Variants in FOXO3 observed in about 807,000 individuals in gnomAD.
The protein encoded by FOXO3 is forkhead box O3, also known as forkhead box protein O3.
In FOXO3, 4 loss-of-function variants were observed where a neutral mutation model predicts 41.9. That is an observed-to-expected ratio of 0.10 (90% CI 0.05 to 0.22). The LOEUF (loss-of-function observed/expected upper bound fraction) is 0.22, where lower values mean the gene tolerates loss of function less well. FOXO3 is among the 10% of genes least tolerant of loss of function. The probability of loss-of-function intolerance (pLI) is 1.00; values close to 1 mark genes in which losing one functional copy is unlikely to be tolerated. For missense variants in FOXO3, 534 were observed against 906.8 expected, an observed-to-expected ratio of 0.59 and a Z score of 5.28; for synonymous variants, 318 against 389.3, an observed-to-expected ratio of 0.82 and a Z score of 2.16.
chr6:108,572,492 A>G (rs959573619), intron 1 of FOXO3, among the ~76,000 whole-genome samples: 1 of 152,232 alleles, frequency 6.6e-6, no homozygotes, highest in Non-Finnish European at 1.5e-5. Flanking sequence ...TAAAGCATAG[A>G]ACATGGAGTG....
In FOXO3 at chr6:108,680,760, A is replaced by C. The variant is rs1219149691; in HGVS notation, c.*968A>C. ...TAAGGAGAAAGAAAAGGAAAAAAAA[A>C]AAAAACAAAAAAGTCCTGTTTTGCT... On this transcript the variant is annotated 3_prime_UTR_variant, in exon 3 of 3. Transcript: ENST00000406360. 1 of 139,284 alleles carries C rather than the reference A, an allele frequency of 7.2e-6. No individual in the cohort carries two copies. Among genetic ancestry groups the C allele is most frequent in the African/African-American group, 2.6e-5 (1 of 38,006 alleles). The allele number at this position is 139,284 out of a possible 1,614,324, so 8.6% of individuals were successfully genotyped here.
At chr6:108,646,470 AT>A (rs921378492) in intron 1 of FOXO3, among the ~76,000 whole-genome samples, 26 of 151,760 alleles carry the variant, frequency 1.7e-4, no homozygotes, top group African/African-American at 2.4e-4. Context: ...ACCAATCCAA[AT>A]TTTTTTTTCC....
chr6:108,657,903 G>T (rs1478263311), intron 1 of FOXO3, among the ~76,000 whole-genome samples: 3 of 152,166 alleles, frequency 2.0e-5, no homozygotes, highest in African/African-American at 7.2e-5. Context: ...CTTGAACAAT[G>T]TAGGTTTGAA....
Position 108,634,973 on chromosome 6 carries a change from T to A in FOXO3, c.622-28482T>A, listed in dbSNP as rs141705986. ...GATATATACATTGTGTGCATGTATA[T>A]ATATATTCATATAAGAATTTAAAAT... On this transcript the variant is annotated intron_variant, in intron 1 of 2. Transcript: ENST00000406360. Among the ~76,000 whole-genome samples the A allele has an allele frequency of 2.0e-3, 302 of 151,824 alleles. 1 individual carries two copies. The highest frequency in any genetic ancestry group is 6.9e-3 in the African/African-American group (286 of 41,484).
intron 1 of FOXO3, among the ~76,000 whole-genome samples, chr6:108,594,539 C>T (rs1776822943): frequency 6.6e-6 from 1 of 152,226 alleles, no homozygotes; most frequent in African/African-American, 2.4e-5. Flanking sequence ...TTCCCTGCCT[C>T]AGCCACCTCT....
chr6:108,571,645 G>A lies in FOXO3; in HGVS notation c.621+9816G>A, dbSNP rs190125419. Among the ~76,000 whole-genome samples, 30 of 152,310 alleles carry A rather than the reference G, an allele frequency of 2.0e-4. No homozygotes were observed. In the East Asian group the frequency reaches 5.6e-3, roughly 28 times the overall value. ...CAAAGAACACCAAGGATTGCCAGGA[G>A]CCGCCAGAAGCTGGTAGGGGCAAGA... On this transcript the variant is annotated intron_variant, in intron 1 of 2. Coordinates refer to ENST00000406360, the MANE Select transcript of FOXO3 (RefSeq NM_001455.4).
chr6:108,587,078 C>T (rs557171449), intron 1 of FOXO3, among the ~76,000 whole-genome samples: 4 of 151,692 alleles, frequency 2.6e-5, no homozygotes, highest in Admixed American at 2.6e-4. Context: ...CTCAAAGTGC[C>T]TCTCAAAGGT....
At chr6:108,665,115 A>T (rs1239125597) in intron 2 of FOXO3, among the ~76,000 whole-genome samples, 2 of 152,194 alleles carry the variant, frequency 1.3e-5, no homozygotes, top group African/African-American at 2.4e-5. Context: ...GATAGTTCAG[A>T]AATCTACTGC....
At chr6:108,601,754 T>C (rs1777062879) in intron 1 of FOXO3, among the ~76,000 whole-genome samples, 1 of 152,230 alleles carries the variant, frequency 6.6e-6, no homozygotes, top group South Asian at 2.1e-4. Flanking sequence ...AGTATATGGA[T>C]TTTTGGGATT....
chr6:108,580,433 A>G (rs1289278539), intron 1 of FOXO3, among the ~76,000 whole-genome samples: 22 of 151,894 alleles, frequency 1.4e-4, no homozygotes, highest in Admixed American at 1.4e-3. Flanking sequence ...TGATCCACCC[A>G]CCTTGGCCTC....
chr6:108,610,071 T>G (rs1188595905), intron 1 of FOXO3, among the ~76,000 whole-genome samples: 1 of 152,176 alleles, frequency 6.6e-6, no homozygotes, highest in Non-Finnish European at 1.5e-5. Flanking sequence ...GAGATTTTTT[T>G]TGCACTTTGC....
At chr6:108,603,253 T>C (rs994251187) in intron 1 of FOXO3, among the ~76,000 whole-genome samples, 2 of 152,208 alleles carry the variant, frequency 1.3e-5, no homozygotes, top group Admixed American at 1.3e-4. Context: ...GGTGCTGAAT[T>C]AGTGTCCTGT....
At chr6:108,667,757 G>T (rs994663649) in intron 2 of FOXO3, among the ~76,000 whole-genome samples, 2 of 152,142 alleles carry the variant, frequency 1.3e-5, no homozygotes, top group African/African-American at 4.8e-5. Context: ...TTTGGGGGAG[G>T]TTGTTTTGAG....
At chr6:108,589,542 A>G (rs896309874) in intron 1 of FOXO3, among the ~76,000 whole-genome samples, 2 of 152,210 alleles carry the variant, frequency 1.3e-5, no homozygotes, top group African/African-American at 2.4e-5. Context: ...GAGTGCATGC[A>G]TTATTCCCCA....
intron 1 of FOXO3, among the ~76,000 whole-genome samples, chr6:108,643,410 A>C (rs1451027483): frequency 6.6e-6 from 1 of 152,214 alleles, no homozygotes; most frequent in African/African-American, 2.4e-5. Flanking sequence ...TTGAACCTTG[A>C]GGTCACGTCA....
At chr6:108,638,764 G>A (rs372883973) in intron 1 of FOXO3, among the ~76,000 whole-genome samples, 41 of 152,272 alleles carry the variant, frequency 2.7e-4, no homozygotes, top group South Asian at 2.3e-3. Flanking sequence ...TTAGGACAAG[G>A]AGCAATAAGA....
At chr6:108,629,781 A>G (rs1777911776) in intron 1 of FOXO3, among the ~76,000 whole-genome samples, 1 of 152,088 alleles carries the variant, frequency 6.6e-6, no homozygotes, top group Non-Finnish European at 1.5e-5. Flanking sequence ...CATCTCTGAT[A>G]GGAATTTAGA....
chr6:108,624,309 G>A (rs577094967), intron 1 of FOXO3, among the ~76,000 whole-genome samples: 1 of 150,162 alleles, frequency 6.7e-6, no homozygotes, highest in South Asian at 2.1e-4. Flanking sequence ...GTAGAATAAT[G>A]GTTAAAAAAA....
intron 1 of FOXO3, among the ~76,000 whole-genome samples, chr6:108,580,989 A>G (rs1238553290): frequency 6.6e-6 from 1 of 152,214 alleles, no homozygotes; most frequent in African/African-American, 2.4e-5. Context: ...AGATTCAGAA[A>G]TGAGACACAT....
Sources: gnomAD v4.1 joint callset for allele counts (sites outside exome capture counted in the v4.1 genomes callset) on GRCh38, gnomAD v4.1.1 for gene constraint, MANE v1.5 for transcripts, NCBI Gene and HGNC (gene_info 2026-07-23, HGNC 2026-07-21) for gene names.